Variants in CPNE8 observed in about 807,000 individuals in gnomAD.
CPNE8 encodes the protein copine 8.
Under a neutral mutation model 81.5 loss-of-function variants are expected in CPNE8, and 45 were observed. That is an observed-to-expected ratio of 0.55 (90% CI 0.44 to 0.71). The LOEUF (loss-of-function observed/expected upper bound fraction) is 0.71, where lower values mean the gene tolerates loss of function less well. CPNE8 is among the 30% of genes least tolerant of loss of function. The pLI, the probability that CPNE8 is intolerant of heterozygous loss-of-function variation, is 0.00. For synonymous variants in CPNE8, 252 were observed against 226.3 expected (o/e 1.11, Z -1.02); for missense variants, 594 against 672.1 (o/e 0.88, Z 1.28).
At chr12:38,805,656 T>A (rs1282900363) in intron 6 of CPNE8, among the ~76,000 whole-genome samples, 175 of 35,666 alleles carry the variant, frequency 4.9e-3, no homozygotes, top group East Asian at 7.7e-3. Flanking sequence ...AAACTTAGAG[T>A]ATAATAAAAA....
intron 3 of CPNE8, among the ~76,000 whole-genome samples, chr12:38,850,727 C>T (rs1034317636): frequency 6.6e-6 from 1 of 152,126 alleles, no homozygotes; most frequent in Admixed American, 6.5e-5. Flanking sequence ...AGCCGTCTTT[C>T]CTGACTTTTG....
In CPNE8 at chr12:38,771,957, G is replaced by A. The variant is rs146579283; in HGVS notation, c.472-4219C>T. On this transcript the variant is annotated intron_variant, in intron 7 of 19. Transcript: ENST00000331366. ...AGCTCATATCGAAATTTGATCACCA[G>A]TGTGACAGTGCTGGGAGGTGGGGCC... Among the ~76,000 whole-genome samples, 535 of 152,318 alleles carry A rather than the reference G, an allele frequency of 3.5e-3. 5 individuals carry two copies. The highest frequency in any genetic ancestry group is 4.8e-3 in the Non-Finnish European group (328 of 68,026).
At chr12:38,732,296 T>G (rs972556684) in intron 10 of CPNE8, among the ~76,000 whole-genome samples, 2 of 151,958 alleles carry the variant, frequency 1.3e-5, no homozygotes, top group Admixed American at 6.6e-5. Context: ...CTTGAGTAAA[T>G]CCAATTTCTC....
At chr12:38,663,376 C>T (rs1938999979) in intron 19 of CPNE8, among the ~76,000 whole-genome samples, 3 of 151,978 alleles carry the variant, frequency 2.0e-5, no homozygotes, top group South Asian at 2.1e-4. Flanking sequence ...AAAGAAGGCA[C>T]ACAAATGGCC....
intron 6 of CPNE8, among the ~76,000 whole-genome samples, chr12:38,796,675 G>T (rs1387853386): frequency 6.6e-6 from 1 of 152,116 alleles, no homozygotes; most frequent in African/African-American, 2.4e-5. Flanking sequence ...ATCTCACTAG[G>T]GAGTGCCACA....
At chr12:38,877,555 A>G (rs1213027662) in intron 1 of CPNE8, among the ~76,000 whole-genome samples, 2 of 152,164 alleles carry the variant, frequency 1.3e-5, no homozygotes, top group Non-Finnish European at 2.9e-5. Flanking sequence ...CTAATACAAA[A>G]GAACAAATTC....
At chr12:38,689,929 AT>A (rs1939636558) in intron 15 of CPNE8, among the ~76,000 whole-genome samples, 1 of 152,218 alleles carries the variant, frequency 6.6e-6, no homozygotes, top group African/African-American at 2.4e-5. Flanking sequence ...AAATGGTAAT[AT>A]TAGGAAATTC....
intron 14 of CPNE8, 86 bp downstream of exon 14, chr12:38,702,789 G>T: frequency 1.3e-6 from 1 of 763,446 alleles, no homozygotes; most frequent in Non-Finnish European, 2.0e-6. Context: ...TGTAAATATA[G>T]AAATAAATTA....
intron 13 of CPNE8, among the ~76,000 whole-genome samples, chr12:38,711,188 C>A (rs973595573): frequency 6.6e-6 from 1 of 152,140 alleles, no homozygotes; most frequent in African/African-American, 2.4e-5. Context: ...TGCAAAAATT[C>A]ATTGCTGTTG....
intron 3 of CPNE8, among the ~76,000 whole-genome samples, chr12:38,870,570 CT>C (rs1943976972): frequency 1.3e-5 from 2 of 152,110 alleles, no homozygotes; most frequent in African/African-American, 4.8e-5. Context: ...CATGGTCTCC[CT>C]CATAAGTGGG....
chr12:38,815,809 A>C (rs1565632529), intron 6 of CPNE8, among the ~76,000 whole-genome samples: 1 of 152,184 alleles, frequency 6.6e-6, no homozygotes, highest in Non-Finnish European at 1.5e-5. Context: ...AGTTATTATC[A>C]TGGTAAGGAA....
intron 13 of CPNE8, chr12:38,720,921 C>T (rs1940546960): frequency 6.5e-6 from 1 of 152,680 alleles, no homozygotes; most frequent in Non-Finnish European, 1.5e-5. Flanking sequence ...CGCATTTCCC[C>T]ACACAGCTGC....
chr12:38,705,436 C>T (rs949957353), intron 13 of CPNE8, among the ~76,000 whole-genome samples: 1 of 152,032 alleles, frequency 6.6e-6, no homozygotes, highest in African/African-American at 2.4e-5. Flanking sequence ...TTATATTTAA[C>T]AAAAACTAGT....
At position 38,731,238 on chromosome 12, in the gene CPNE8, A is replaced by C. The variant is rs1028453744; in HGVS notation, c.723-880T>G. ...TAGGAGTGAAAGCAATATAACAAAC[A>C]TAAGGGATGTCACAGTAGCCATTTG... On this transcript the variant is annotated intron_variant, in intron 10 of 19. Coordinates refer to ENST00000331366, the MANE Select transcript of CPNE8 (RefSeq NM_153634.3). Among the ~76,000 whole-genome samples, 11 of 152,030 alleles carry C rather than the reference A, an allele frequency of 7.2e-5. No homozygotes were observed. The South Asian group carries it at 2.3e-3, about 31-fold the overall frequency.
chr12:38,851,599 G>A (rs2137062670), intron 3 of CPNE8, among the ~76,000 whole-genome samples: 1 of 152,222 alleles, frequency 6.6e-6, no homozygotes, highest in Admixed American at 6.5e-5. Context: ...CCTAACTCAA[G>A]CTTTTCTTCC....
chr12:38,905,853 AG>A (rs1361552381), upstream of CPNE8: 13 of 985,218 alleles, frequency 1.3e-5, no homozygotes, highest in African/African-American at 1.7e-5. Flanking sequence ...TGGAGGGGTC[AG>A]GCTTGGTGGA....
intron 1 of CPNE8, among the ~76,000 whole-genome samples, chr12:38,879,559 T>C (rs1252993364): frequency 1.3e-5 from 2 of 152,222 alleles, no homozygotes; most frequent in South Asian, 2.1e-4. Flanking sequence ...CAAAACATGA[T>C]GTATTTAAAG....
chr12:38,793,762 C>T (rs1942386302), intron 6 of CPNE8, among the ~76,000 whole-genome samples: 1 of 151,800 alleles, frequency 6.6e-6, no homozygotes, highest in African/African-American at 2.4e-5. Flanking sequence ...CTCCAAATAG[C>T]CAAAGCAACT....
At chr12:38,902,417 A>AAGAAAGAAAGAAAGAAAG (rs1166996215) in intron 1 of CPNE8, among the ~76,000 whole-genome samples, 1 of 72,890 alleles carries the variant, frequency 1.4e-5, no homozygotes, top group Non-Finnish European at 2.7e-5. Context: ...GAAAGAAAGA[A>AAGAAAGAAAGAAAGAAAG]AAAGAAAGAA....
Sources: gnomAD v4.1 joint callset for allele counts (sites outside exome capture counted in the v4.1 genomes callset) on GRCh38, gnomAD v4.1.1 for gene constraint, MANE v1.5 for transcripts, NCBI Gene and HGNC (gene_info 2026-07-23, HGNC 2026-07-21) for gene names.